Variants in TMEM184C observed in about 807,000 individuals in gnomAD.
TMEM184C encodes the protein transmembrane protein 34.
TMEM184C carries 25 observed loss-of-function variants against 54.5 expected under a neutral mutation model. The observed-to-expected ratio is 0.46, with a 90% CI of 0.33 to 0.64. The LOEUF (loss-of-function observed/expected upper bound fraction) is 0.64, where lower values mean the gene tolerates loss of function less well. TMEM184C is among the 30% of genes least tolerant of loss of function. The pLI is 0.02. For synonymous variants in TMEM184C, 148 were observed against 181.5 expected (o/e 0.82, Z 1.49); for missense variants, 335 against 520.3 (o/e 0.64, Z 3.46).
At chr4:147,633,452 A>G (rs1239649592) in intron 8 of TMEM184C, among the ~76,000 whole-genome samples, 1 of 151,332 alleles carries the variant, frequency 6.6e-6, no homozygotes, top group African/African-American at 2.4e-5. Flanking sequence ...AAAATAAAAT[A>G]CTTAGCCAGG....
At chr4:147,618,628 TAA>T (rs1199421123) in intron 1 of TMEM184C, among the ~76,000 whole-genome samples, 47 of 152,178 alleles carry the variant, frequency 3.1e-4, no homozygotes, top group Admixed American at 1.2e-3. Flanking sequence ...AACCCCAAGG[TAA>T]ATAACTCAGA....
At chr4:147,620,420 A>T (rs1732687799) in intron 1 of TMEM184C, among the ~76,000 whole-genome samples, 1 of 152,252 alleles carries the variant, frequency 6.6e-6, no homozygotes, top group Admixed American at 6.5e-5. Context: ...AATGCTGTGG[A>T]GGAAACCAGA....
Position 147,624,099 on chromosome 4 carries a change from G to C in TMEM184C, c.291+1G>C. 1 of 1,595,276 alleles carries C rather than the reference G, an allele frequency of 6.3e-7. No individual in the cohort carries two copies. The highest frequency in any genetic ancestry group is 8.6e-7 in the Non-Finnish European group (1 of 1,165,974). Reference sequence around the variant, plus strand: ...GGTACCTATTTACAGTTTAGATAGTGTAAGTATGTTTCATTTTTATCTCAT... The same window carrying C: ...GGTACCTATTTACAGTTTAGATAGTCTAAGTATGTTTCATTTTTATCTCAT... On this transcript the variant is annotated splice_donor_variant, in intron 3 of 9. Transcript: ENST00000296582. LOFTEE classifies it high-confidence loss of function.
At chr4:147,627,141 CAGGACA>C (rs1328024536) in intron 4 of TMEM184C, among the ~76,000 whole-genome samples, 1 of 152,172 alleles carries the variant, frequency 6.6e-6, no homozygotes, top group Non-Finnish European at 1.5e-5. Context: ...TTGACTGACA[CAGGACA>C]AGGACAAGGC....
chr4:147,632,019 C>G (rs1732925117), intron 7 of TMEM184C, among the ~76,000 whole-genome samples: 1 of 151,704 alleles, frequency 6.6e-6, no homozygotes, highest in Non-Finnish European at 1.5e-5. Context: ...ACTAAAAATA[C>G]AAAAATCAGC....
In TMEM184C at chr4:147,632,915, T is replaced by C. The variant is rs1217498765; in HGVS notation, c.792T>C (p.Val264=). Residue 264 remains valine, a synonymous_variant, in exon 8 of 10, where the codon GTT becomes GTC. Transcript: ENST00000296582. The part of the protein sequence containing the change: ...VVFVSFWQAV[V]IALLVKVGVI... ...TCCTAACATATAGGCAAGCAGTAGT[T>C]ATTGCTTTGTTGGTAAAAGTTGGCG... is the stretch of plus-strand genomic sequence containing the variant. The C allele has an allele frequency of 1.2e-6, 2 of 1,613,956 alleles. No individual in the cohort carries two copies. The highest frequency in any genetic ancestry group is 1.7e-5 in the Admixed American group (1 of 60,006).
chr4:147,629,732 C>T (rs767227481), intron 6 of TMEM184C, 40 bp downstream of exon 6: 8 of 1,399,828 alleles, frequency 5.7e-6, no homozygotes, highest in Non-Finnish European at 7.7e-6. Context: ...GTACTAAATT[C>T]GTATCTATAA....
At chr4:147,633,077 G>A in intron 8 of TMEM184C, 75 bp downstream of exon 8, 1 of 1,259,526 alleles carries the variant, frequency 7.9e-7, no homozygotes. Context: ...CACTAAACCT[G>A]ACAACACACA....
At chr4:147,629,756 G>C in intron 6 of TMEM184C, 64 bp downstream of exon 6, 1 of 1,163,940 alleles carries the variant, frequency 8.6e-7, no homozygotes, top group Non-Finnish European at 1.2e-6. Context: ...AATTTCTTTA[G>C]ACAAAGTTTC....
chr4:147,626,712 AACAG>A (rs1206550531), intron 4 of TMEM184C, among the ~76,000 whole-genome samples: 1 of 152,230 alleles, frequency 6.6e-6, no homozygotes, highest in Non-Finnish European at 1.5e-5. Flanking sequence ...TAGTGCACAG[AACAG>A]ACATAGACCT....
Position 147,634,569 on chromosome 4 carries a change from T to C in TMEM184C, c.*135T>C, listed in dbSNP as rs576178097. The stretch of plus-strand genomic sequence containing the variant: ...ATAGCTGAAAGCCAGGTACAACTAC[T>C]GCATTTATATATGTAAGTTTTGTAT... On this transcript the variant is annotated 3_prime_UTR_variant, in exon 10 of 10. Coordinates refer to ENST00000296582, the MANE Select transcript of TMEM184C (RefSeq NM_018241.3). The C allele has an allele frequency of 5.9e-5, 55 of 939,130 alleles. No homozygotes were observed. In the Admixed American group the frequency reaches 1.5e-3, roughly 25 times the overall value. 58.2% of individuals were successfully genotyped at this position (939,130 alleles called of 1,614,324 possible).
rs549244997 is a variant in TMEM184C, at chr4:147,634,201, T to C, written c.1084T>C (p.Leu362=). 5 of 1,613,728 alleles carry C rather than the reference T, an allele frequency of 3.1e-6. No homozygotes were observed. In the African/African-American group the frequency reaches 4.0e-5, roughly 13 times the overall value. Residue 362 remains leucine, a synonymous_variant, in exon 10 of 10, where the codon TTG becomes CTG. Coordinates refer to ENST00000296582, the MANE Select transcript of TMEM184C (RefSeq NM_018241.3). Reference sequence around the variant, plus strand: ...AGTCAGGGGACATCCCAGGAAAAAATTGTTTCCCGAGGATCAAGATCAAAA... The same window carrying C: ...AGTCAGGGGACATCCCAGGAAAAAACTGTTTCCCGAGGATCAAGATCAAAA... ...RTVRGHPRKK[L]FPEDQDQNEH...
At chr4:147,626,483 G>A (rs1289939501) in intron 4 of TMEM184C, among the ~76,000 whole-genome samples, 1 of 152,196 alleles carries the variant, frequency 6.6e-6, no homozygotes, top group African/African-American at 2.4e-5. Flanking sequence ...AAGGTAAATG[G>A]AGGTAGAGTG....
chr4:147,628,707 A>G (rs953826009), intron 5 of TMEM184C, among the ~76,000 whole-genome samples: 2 of 152,314 alleles, frequency 1.3e-5, no homozygotes, highest in East Asian at 3.9e-4. Flanking sequence ...CTTCTTTTTC[A>G]GATACATAGC....
Position 147,634,585 on chromosome 4 carries a change from A to AGTT in TMEM184C, c.*152_*154dup. 1 of 793,090 alleles carries AGTT rather than the reference A, an allele frequency of 1.3e-6. No individual in the cohort carries two copies. Among genetic ancestry groups the AGTT allele is most frequent in the African/African-American group, 1.7e-5 (1 of 57,390 alleles). 49.1% of individuals were successfully genotyped at this position (793,090 alleles called of 1,614,324 possible). ...TACAACTACTGCATTTATATATGTAAGTTTTGTATATCAAAAATAATTGGT... is the reference window on the plus strand; with the variant it reads ...TACAACTACTGCATTTATATATGTAAGTTGTTTTGTATATCAAAAATAATTGGT... On this transcript the variant is annotated 3_prime_UTR_variant, in exon 10 of 10. Coordinates refer to ENST00000296582, the MANE Select transcript of TMEM184C (RefSeq NM_018241.3).
At chr4:147,619,097 G>C (rs1360169723) in intron 1 of TMEM184C, among the ~76,000 whole-genome samples, 3 of 152,198 alleles carry the variant, frequency 2.0e-5, no homozygotes, top group African/African-American at 7.2e-5. Flanking sequence ...TCAAACTCCT[G>C]ACCTCAGGTG....
intron 3 of TMEM184C, 57 bp downstream of exon 3, chr4:147,624,155 T>C: frequency 7.0e-7 from 1 of 1,426,658 alleles, no homozygotes; most frequent in Non-Finnish European, 9.7e-7. Flanking sequence ...GATACTATAA[T>C]TACAGAATGC....
rs1349809866 is a variant in TMEM184C, at chr4:147,635,725, T to C, written c.*1291T>C. ...CTATTAAAACTAAAACTGGGCTCTA[T>C]GTAAAAACCCCAAAGATACACACAC... On this transcript the variant is annotated 3_prime_UTR_variant, in exon 10 of 10. Transcript: ENST00000296582. The C allele has an allele frequency of 1.3e-5, 2 of 152,076 alleles. No homozygotes were observed. The highest frequency in any genetic ancestry group is 2.9e-5 in the Non-Finnish European group (2 of 67,988). 9.4% of individuals were successfully genotyped at this position (152,076 alleles called of 1,614,324 possible).
At position 147,618,026 on chromosome 4, in the gene TMEM184C, G is replaced by C. The variant is rs1732630533; in HGVS notation, c.70G>C (p.Val24Leu). The C allele has an allele frequency of 6.2e-7, 1 of 1,614,180 alleles. No homozygotes were observed. Among genetic ancestry groups the C allele is most frequent in the Non-Finnish European group, 8.5e-7 (1 of 1,180,012 alleles). ...ACCTTTAGTAGCGGTCATCTACCTG[G>C]TGTCAATAGTGGTTGCGGTTCCCCT... ...IRPLVAVIYL[V>L]SIVVAVPLCV... The change falls in exon 1 of 10, where the codon GTG (valine) becomes CTG (leucine). Residue 24 changes from valine (V) to leucine (L), a missense_variant. Coordinates refer to ENST00000296582, the MANE Select transcript of TMEM184C (RefSeq NM_018241.3).
Sources: allele counts gnomAD v4.1 joint callset (sites outside exome capture counted in the v4.1 genomes callset), GRCh38; gene constraint gnomAD v4.1.1; transcripts MANE v1.5; gene names NCBI Gene and HGNC (gene_info 2026-07-23, HGNC 2026-07-21).